TEAD1: variants seen among roughly 807,000 people sequenced by gnomAD.
TEAD1 encodes the protein transcriptional enhancer factor TEF-1.
In TEAD1, 9 loss-of-function variants were observed where a neutral mutation model predicts 54.9. The ratio of observed to expected loss-of-function variants is 0.16; its 90% CI spans 0.10 to 0.29. The LOEUF is 0.29. TEAD1 is among the 10% of genes least tolerant of loss of function. The pLI is 1.00. For missense variants in TEAD1, 387 were observed against 535.9 expected, an observed-to-expected ratio of 0.72 and a Z score of 2.74; for synonymous variants, 200 against 187.8, an observed-to-expected ratio of 1.07 and a Z score of -0.53.
chr11:12,845,832 C>A (rs888752254), intron 3 of TEAD1, among the ~76,000 whole-genome samples: 1 of 152,220 alleles, frequency 6.6e-6, no homozygotes, highest in Non-Finnish European at 1.5e-5. Context: ...AATTGGTCGC[C>A]TCTCTGGGTG....
At chr11:12,893,190 A>G (rs1419778955) in intron 9 of TEAD1, among the ~76,000 whole-genome samples, 2 of 152,238 alleles carry the variant, frequency 1.3e-5, no homozygotes, top group African/African-American at 4.8e-5. Flanking sequence ...GGAAGGCTGC[A>G]GCTGATCTAA....
At chr11:12,886,940 T>C (rs559323734) in intron 9 of TEAD1, among the ~76,000 whole-genome samples, 10 of 152,210 alleles carry the variant, frequency 6.6e-5, no homozygotes, top group Non-Finnish European at 1.2e-4. Flanking sequence ...CAGCCAGAGC[T>C]CTGTCACTGC....
chr11:12,774,894 A>T (rs961815884), intron 3 of TEAD1, among the ~76,000 whole-genome samples: 5 of 152,036 alleles, frequency 3.3e-5, no homozygotes, highest in Admixed American at 6.6e-5. Flanking sequence ...GAGGAGGGAG[A>T]GGATTGGGAA....
chr11:12,935,423 A>ATT (rs1949081763), intron 12 of TEAD1, among the ~76,000 whole-genome samples: 1 of 151,474 alleles, frequency 6.6e-6, no homozygotes, highest in African/African-American at 2.4e-5. Context: ...TCTGATGTGA[A>ATT]TTTTCATTCA....
chr11:12,740,841 C>T (rs1215424670), intron 2 of TEAD1, among the ~76,000 whole-genome samples: 4 of 152,050 alleles, frequency 2.6e-5, no homozygotes, highest in Non-Finnish European at 5.9e-5. Context: ...TATCAGTTGG[C>T]GGTTGCCTCG....
At chr11:12,778,826 A>G (rs73423652) in intron 3 of TEAD1, among the ~76,000 whole-genome samples, 190 of 152,308 alleles carry the variant, frequency 1.2e-3, no homozygotes, top group African/African-American at 4.3e-3. Flanking sequence ...AAACTGAAGC[A>G]CAGAGACCAG....
Position 12,879,775 on chromosome 11 carries a change from C to T in TEAD1, c.398C>T (p.Ala133Val), listed in dbSNP as rs771935977. 3 of 1,614,174 alleles carry T rather than the reference C, an allele frequency of 1.9e-6. No individual in the cohort carries two copies. The highest frequency in any genetic ancestry group is 1.7e-5 in the Admixed American group (1 of 60,026). The change falls in exon 6 of 13, where the codon GCC (alanine) becomes GTC (valine). Residue 133 changes from alanine (A) to valine (V), a missense_variant. Ala to Val is a moderately conservative substitution (Grantham distance 64). This residue lies in a region of TEAD1 where 180 missense variants were observed against 180.6 expected (regional missense o/e 1.00). Transcript: ENST00000527636. ...ATGTCCTCAGCCCAGATCGTCTCGGCCACTGCCATTCATAACAAGCTGGGG... is the reference window on the plus strand; with the variant it reads ...ATGTCCTCAGCCCAGATCGTCTCGGTCACTGCCATTCATAACAAGCTGGGG...
At chr11:12,776,039 A>G (rs1349292476) in intron 3 of TEAD1, among the ~76,000 whole-genome samples, 1 of 151,586 alleles carries the variant, frequency 6.6e-6, no homozygotes, top group African/African-American at 2.4e-5. Flanking sequence ...GGGTGTTTGG[A>G]GAGCATCTCT....
At chr11:12,705,078 A>G (rs544376638) in intron 2 of TEAD1, among the ~76,000 whole-genome samples, 86 of 152,336 alleles carry the variant, frequency 5.6e-4, no homozygotes, top group African/African-American at 2.0e-3. Flanking sequence ...GAAGAATGGA[A>G]TGGGCTTGAC....
intron 3 of TEAD1, among the ~76,000 whole-genome samples, chr11:12,809,746 A>T (rs933984640): frequency 3.3e-5 from 5 of 152,120 alleles, no homozygotes; most frequent in African/African-American, 1.2e-4. Context: ...GCCACTGTTA[A>T]GGTCTGTGGA....
At chr11:12,763,075 C>T (rs1379903140) in intron 2 of TEAD1, among the ~76,000 whole-genome samples, 2 of 152,154 alleles carry the variant, frequency 1.3e-5, no homozygotes, top group East Asian at 3.8e-4. Flanking sequence ...ACCTTTTCAA[C>T]AAAGGAATAT....
chr11:12,925,096 C>T, intron 11 of TEAD1, 44 bp downstream of exon 11: 3 of 1,610,284 alleles, frequency 1.9e-6, no homozygotes. Flanking sequence ...CAAGGGCAGA[C>T]TGTTGCCTTC....
chr11:12,795,143 T>TG (rs1431729382), intron 3 of TEAD1, among the ~76,000 whole-genome samples: 2 of 152,240 alleles, frequency 1.3e-5, no homozygotes. Context: ...GGATGTGTTC[T>TG]GTGCCTTTCT....
chr11:12,785,105 A>G lies in TEAD1; in HGVS notation c.202+20671A>G, dbSNP rs80326413. Reference sequence around the variant, plus strand: ...AGTCATTTGACACCCTAATGTGAGGATGTTTCTGAGCCAGGGCCCGGGCTC... The same window carrying G: ...AGTCATTTGACACCCTAATGTGAGGGTGTTTCTGAGCCAGGGCCCGGGCTC... On this transcript the variant is annotated intron_variant, in intron 3 of 12. Transcript: ENST00000527636. 3.4e-3 allele frequency among the ~76,000 whole-genome samples: 519 copies of G among 152,180 alleles called. 5 individuals are homozygous for G. In the East Asian group the frequency reaches 0.043, roughly 13 times the overall value.
At chr11:12,905,648 G>A (rs1425840243) in intron 10 of TEAD1, among the ~76,000 whole-genome samples, 2 of 152,162 alleles carry the variant, frequency 1.3e-5, no homozygotes, top group African/African-American at 4.8e-5. Context: ...TCCGAAGTAG[G>A]TTTAACACTC....
At chr11:12,690,593 T>C (rs1241284995) in intron 2 of TEAD1, among the ~76,000 whole-genome samples, 3 of 152,090 alleles carry the variant, frequency 2.0e-5, no homozygotes, top group Non-Finnish European at 2.9e-5. Flanking sequence ...TAATTCAGGG[T>C]TTTTAAAAAC....
intron 11 of TEAD1, among the ~76,000 whole-genome samples, chr11:12,927,891 C>G (rs558261242): frequency 6.6e-6 from 1 of 152,212 alleles, no homozygotes; most frequent in Admixed American, 6.5e-5. Flanking sequence ...GTTTTTCCCC[C>G]AGATTCCTGG....
chr11:12,895,961 A>G (rs575045294), intron 9 of TEAD1, among the ~76,000 whole-genome samples: 39 of 109,580 alleles, frequency 3.6e-4, no homozygotes, highest in Admixed American at 3.1e-3. Context: ...CAGTCCCCCT[A>G]TGTGCTTTTC....
Position 12,684,402 on chromosome 11 carries a change from TA to T in TEAD1, c.-55+8845del, listed in dbSNP as rs150444698. Among the ~76,000 whole-genome samples, 1,209 of 152,364 alleles carry T rather than the reference TA, an allele frequency of 7.9e-3. 14 individuals carry two copies. Among genetic ancestry groups the T allele is most frequent in the African/African-American group, 0.028 (1,148 of 41,580 alleles). Reference sequence around the variant, plus strand: ...CACTCCTAACATTGGGGTTGGGTTGTAAAAGTTCTTTTGTAAGTGGTTGAAT... The same window carrying T: ...CACTCCTAACATTGGGGTTGGGTTGTAAAGTTCTTTTGTAAGTGGTTGAAT... On this transcript the variant is annotated intron_variant, in intron 2 of 12. Transcript: ENST00000527636.
Sources: allele counts gnomAD v4.1 joint callset (sites outside exome capture counted in the v4.1 genomes callset), GRCh38; gene constraint gnomAD v4.1.1; regional missense constraint gnomAD v4.1.1; transcripts MANE v1.5; gene names NCBI Gene and HGNC (gene_info 2026-07-23, HGNC 2026-07-21).